Variants in TAF1B observed in about 807,000 individuals in gnomAD.
TAF1B encodes the protein TATA-box binding protein associated factor, RNA polymerase I subunit B.
In TAF1B, 61 loss-of-function variants were observed where a neutral mutation model predicts 83.9. The ratio of observed to expected loss-of-function variants is 0.73; its 90% CI spans 0.59 to 0.90. The LOEUF (loss-of-function observed/expected upper bound fraction) is 0.90. Ranked by LOEUF, TAF1B falls within the 40% of genes least tolerant of loss-of-function variation. The pLI is 0.00. For synonymous variants in TAF1B, 221 were observed against 224.6 expected (o/e 0.98, Z 0.14); for missense variants, 625 against 677.0 (o/e 0.92, Z 0.85).
chr2:9,867,604 G>A (rs923176360), intron 5 of TAF1B, among the ~76,000 whole-genome samples: 3 of 152,114 alleles, frequency 2.0e-5, no homozygotes, highest in South Asian at 2.1e-4. Context: ...TGAAATCATG[G>A]CTTTTTGACT....
rs1664069421 is a variant in TAF1B at position 9,868,589 on chromosome 2, C to T, written c.553+160C>T. The T allele has an allele frequency of 3.6e-6, 4 of 1,096,934 alleles. No homozygotes were observed. In the Admixed American group the frequency reaches 6.0e-5, roughly 16 times the overall value. The allele number at this position is 1,096,934 out of a possible 1,614,324, so 68.0% of individuals were successfully genotyped here. On this transcript the variant is annotated intron_variant, in intron 6 of 14. Coordinates refer to ENST00000263663, the MANE Select transcript of TAF1B (RefSeq NM_005680.3). ...TGCTGAATCATATGGCTAAGACAAACTAAGTGAAATCTTAGCGCAATTTTT... is the reference window on the plus strand; with the variant it reads ...TGCTGAATCATATGGCTAAGACAAATTAAGTGAAATCTTAGCGCAATTTTT...
chr2:9,920,588 G>GGGA (rs1218873609), intron 14 of TAF1B, among the ~76,000 whole-genome samples: 5 of 119,342 alleles, frequency 4.2e-5, no homozygotes, highest in Non-Finnish European at 8.5e-5. Context: ...GCGGGGGGCG[G>GGGA]GGGGTCCATT....
intron 7 of TAF1B, among the ~76,000 whole-genome samples, chr2:9,881,440 CT>C (rs1361424906): frequency 6.6e-6 from 1 of 152,042 alleles, no homozygotes; most frequent in East Asian, 1.9e-4. Context: ...GTACTTATTC[CT>C]GTCTTTAGCT....
At chr2:9,887,491 T>C (rs1664715746) in intron 8 of TAF1B, among the ~76,000 whole-genome samples, 1 of 152,184 alleles carries the variant, frequency 6.6e-6, no homozygotes, top group Admixed American at 6.5e-5. Context: ...CATTATCTAA[T>C]GTCACTTTTT....
At position 9,875,860 on chromosome 2, in the gene TAF1B, C is replaced by G. The variant is rs1244641932; in HGVS notation, c.554-5C>G. 1.9e-6 allele frequency: 3 copies of G among 1,570,746 alleles called. No homozygotes were observed. Among genetic ancestry groups the G allele is most frequent in the Non-Finnish European group, 2.6e-6 (3 of 1,150,868 alleles). On this transcript the variant is annotated splice_polypyrimidine_tract_variant and splice_region_variant and intron_variant, in intron 6 of 14. Coordinates refer to ENST00000263663, the MANE Select transcript of TAF1B (RefSeq NM_005680.3). ...ATTTTTAAAAATCTCCATTTATCTC[C>G]TAAGAAACGTCTGTCTGCTCTGGAT...
rs573576652 is a variant in TAF1B at position 9,876,800 on chromosome 2, G to C, written c.707+782G>C. 7.2e-5 allele frequency among the ~76,000 whole-genome samples: 11 copies of C among 152,152 alleles called. No individual in the cohort carries two copies. The South Asian group carries it at 2.3e-3, about 32-fold the overall frequency. On this transcript the variant is annotated intron_variant, in intron 7 of 14. Transcript: ENST00000263663. ...CTTTTGTTTCTTCGTTGGTAAAATG[G>C]GGCTAATAATAACTACCTCATAGGG...
intron 7 of TAF1B, among the ~76,000 whole-genome samples, chr2:9,876,227 T>C (rs905839653): frequency 2.0e-5 from 3 of 152,242 alleles, no homozygotes; most frequent in African/African-American, 7.2e-5. Context: ...GTAGAAATTA[T>C]AGTACTTACC....
chr2:9,859,171 C>G (rs930388406), intron 5 of TAF1B, among the ~76,000 whole-genome samples: 102 of 131,638 alleles, frequency 7.7e-4, no homozygotes, highest in African/African-American at 2.8e-3. Context: ...GCCAGGTTAC[C>G]TCTTGAATGC....
intron 7 of TAF1B, among the ~76,000 whole-genome samples, chr2:9,879,554 A>G (rs936664836): frequency 1.3e-5 from 2 of 152,200 alleles, no homozygotes; most frequent in Non-Finnish European, 2.9e-5. Context: ...AACACAAAAA[A>G]GAGGATGAGT....
At chr2:9,853,640 T>C (rs1300741107) in intron 4 of TAF1B, among the ~76,000 whole-genome samples, 2 of 152,074 alleles carry the variant, frequency 1.3e-5, no homozygotes, top group African/African-American at 2.4e-5. Context: ...GCTAACTTTT[T>C]GATTTTTTGT....
In TAF1B at chr2:9,919,883, A is replaced by G. The variant is rs1011615819; in HGVS notation, c.1565+63A>G. 5.4e-6 allele frequency: 8 copies of G among 1,482,860 alleles called. No homozygotes were observed. In the Admixed American group the frequency reaches 8.2e-5, roughly 15 times the overall value. 91.9% of individuals were successfully genotyped at this position (1,482,860 alleles called of 1,614,324 possible). On this transcript the variant is annotated intron_variant, in intron 14 of 14. Coordinates refer to ENST00000263663, the MANE Select transcript of TAF1B (RefSeq NM_005680.3). ...GTAGTTGACTGTATAAGAGCCAGAT[A>G]GGTTTTTTGTTGGAATTAGAAGCTG... is the stretch of plus-strand genomic sequence containing the variant.
intron 7 of TAF1B, among the ~76,000 whole-genome samples, chr2:9,880,453 G>GTTTTTTTTAA (rs1572243910): frequency 1.3e-5 from 1 of 78,116 alleles, no homozygotes; most frequent in Non-Finnish European, 2.8e-5. Context: ...TTTTTTTTTG[G>GTTTTTTTTAA]AAAAACAAAT....
intron 4 of TAF1B, 97 bp downstream of exon 4, chr2:9,851,735 A>G (rs1663402531): frequency 2.1e-6 from 2 of 969,544 alleles, no homozygotes; most frequent in Non-Finnish European, 3.1e-6. Flanking sequence ...TAGTAACACT[A>G]GGGCTACTGG....
chr2:9,923,581 A>G (rs914173655), intron 14 of TAF1B, among the ~76,000 whole-genome samples: 6 of 152,106 alleles, frequency 3.9e-5, no homozygotes, highest in South Asian at 2.1e-4. Context: ...TGGTAGGCTG[A>G]GGCAGGCGAA....
chr2:9,889,646 A>G (rs1263642940), intron 8 of TAF1B, among the ~76,000 whole-genome samples: 2 of 151,964 alleles, frequency 1.3e-5, no homozygotes, highest in Non-Finnish European at 2.9e-5. Context: ...TTTTTTTATT[A>G]GATGCAATCA....
At chr2:9,867,116 TGATA>T (rs1664006756) in intron 5 of TAF1B, among the ~76,000 whole-genome samples, 1 of 152,040 alleles carries the variant, frequency 6.6e-6, no homozygotes, top group South Asian at 2.1e-4. Context: ...GTGGGATAAA[TGATA>T]GCATATTTGT....
intron 2 of TAF1B, 31 bp from the exon 3 acceptor site, chr2:9,849,342 T>C: frequency 6.5e-7 from 1 of 1,532,718 alleles, no homozygotes. Flanking sequence ...TAAAACGATC[T>C]TTTTTAATGG....
chr2:9,919,729 C>G lies in TAF1B; in HGVS notation c.1474C>G (p.His492Asp), dbSNP rs1665811755. ...CACTGATAGAACGTGTTTCCATGGA[C>G]ACAGCCTTCAGGGAGTCCTGAAAGA... ...EDTDRTCFHG[H>D]SLQGVLKEKG... Residue 492 changes from histidine to aspartate, a missense_variant, in exon 14 of 15, where the codon CAC becomes GAC. Physicochemically the swap from His to Asp is moderately conservative, Grantham distance 81 (BLOSUM62 -1). Coordinates refer to ENST00000263663, the MANE Select transcript of TAF1B (RefSeq NM_005680.3). 6.2e-7 allele frequency: 1 copy of G among 1,614,054 alleles called. No homozygotes were observed. Among genetic ancestry groups the G allele is most frequent in the African/African-American group, 1.3e-5 (1 of 74,928 alleles).
chr2:9,871,990 G>C (rs569698408), intron 6 of TAF1B, among the ~76,000 whole-genome samples: 1 of 152,264 alleles, frequency 6.6e-6, no homozygotes, highest in East Asian at 1.9e-4. Context: ...TTTTGGCCAA[G>C]ACTAGGGAGG....
Sources: gnomAD v4.1 joint callset for allele counts (sites outside exome capture counted in the v4.1 genomes callset) on GRCh38, gnomAD v4.1.1 for gene constraint, MANE v1.5 for transcripts, NCBI Gene and HGNC (gene_info 2026-07-23, HGNC 2026-07-21) for gene names.